The following C5AR2 variants were observed in gnomAD, a reference collection of about 807,000 sequenced individuals.
The protein encoded by C5AR2 is C5a anaphylatoxin chemotactic receptor 2.
For synonymous variants in C5AR2, 224 were observed against 216.5 expected (o/e 1.03, Z -0.30); for missense variants, 458 against 467.5 (o/e 0.98, Z 0.19).
Position 47,342,007 on chromosome 19 carries a change from A to G in C5AR2, c.*194A>G. The G allele has an allele frequency of 1.7e-6, 1 of 591,780 alleles. No individual in the cohort carries two copies. Among genetic ancestry groups the G allele is most frequent in the Non-Finnish European group, 3.1e-6 (1 of 327,080 alleles). The allele number at this position is 591,780 out of a possible 1,614,324, so 36.7% of individuals were successfully genotyped here. Reference sequence around the variant, plus strand: ...ATAGCAGTGACCAAAACAGACACAAATCCTGCCCTCAGGGAGCTGATATTC... The same window carrying G: ...ATAGCAGTGACCAAAACAGACACAAGTCCTGCCCTCAGGGAGCTGATATTC... On this transcript the variant is annotated 3_prime_UTR_variant, in exon 2 of 2. Transcript: ENST00000595464.
chr19:47,339,706 C>T (rs892629891), intron 1 of C5AR2, among the ~76,000 whole-genome samples: 9 of 152,092 alleles, frequency 5.9e-5, no homozygotes, highest in Admixed American at 3.3e-4. Context: ...TGGACATGAC[C>T]GTCATGTTCC....
chr19:47,337,427 G>A (rs1168786678), intron 1 of C5AR2, among the ~76,000 whole-genome samples: 1 of 152,148 alleles, frequency 6.6e-6, no homozygotes, highest in Non-Finnish European at 1.5e-5. Flanking sequence ...ACTTTGGGAG[G>A]CTGAGGTGGG....
At chr19:47,336,386 G>A (rs138414179) in intron 1 of C5AR2, among the ~76,000 whole-genome samples, 2,092 of 151,654 alleles carry the variant, frequency 0.014, 30 homozygotes, top group Non-Finnish European at 0.024. Flanking sequence ...CACTGTGCCC[G>A]GCTAGGGGGG....
chr19:47,336,273 A>G (rs536074290), intron 1 of C5AR2, among the ~76,000 whole-genome samples: 2 of 152,094 alleles, frequency 1.3e-5, no homozygotes, highest in African/African-American at 4.8e-5. Context: ...TATTTTTAGT[A>G]GAGACCAGGT....
At position 47,341,500 on chromosome 19, in the gene C5AR2, T is replaced by A; in HGVS notation, c.701T>A (p.Leu234Gln). ...LCWAARRCRP[L>Q]GTAIVVGFFV... ...TGGGCAGCCCGACGCTGCCGGCCGC[T>A]GGGCACAGCCATTGTGGTGGGGTTT... The change falls in exon 2 of 2, where the codon CTG becomes CAG. Residue 234 changes from leucine to glutamine, a missense_variant. Coordinates refer to ENST00000595464, the MANE Select transcript of C5AR2 (RefSeq NM_001271749.2). This position sits in a 1 kb window ranked among gnomAD's most constrained non-coding sequence, Gnocchi z 4.6. The A allele has an allele frequency of 6.2e-7, 1 of 1,612,050 alleles. No individual in the cohort carries two copies. The highest frequency in any genetic ancestry group is 8.5e-7 in the Non-Finnish European group (1 of 1,179,676).
At chr19:47,338,446 TAAA>T (rs11316034) in intron 1 of C5AR2, among the ~76,000 whole-genome samples, 10 of 144,690 alleles carry the variant, frequency 6.9e-5, no homozygotes, top group Non-Finnish European at 6.0e-5. Context: ...TATCTGTCCC[TAAA>T]AAAAAAAAAA....
In C5AR2 at chr19:47,345,899, T is replaced by A. The variant is rs1969112769; in HGVS notation, c.*4086T>A. ...ACTTATTATTTTTATTTATTTTTATTTTTTGGAGAAGGAGTCTTGCTCTGT... is the reference window on the plus strand; with the variant it reads ...ACTTATTATTTTTATTTATTTTTATATTTTGGAGAAGGAGTCTTGCTCTGT... On this transcript the variant is annotated 3_prime_UTR_variant, in exon 2 of 2. Transcript: ENST00000595464. The A allele has an allele frequency of 6.6e-6, 1 of 151,878 alleles. No homozygotes were observed. Among genetic ancestry groups the A allele is most frequent in the South Asian group, 2.1e-4 (1 of 4,818 alleles). The allele number at this position is 151,878 out of a possible 1,614,324, so 9.4% of individuals were successfully genotyped here. A position where few individuals can be genotyped will look rare whatever the true frequency, so the allele number is the denominator to read the frequency against.
chr19:47,341,195 C>G lies in C5AR2; in HGVS notation c.396C>G (p.Leu132=), dbSNP rs775874629. The change falls in exon 2 of 2, where the codon CTC becomes CTG. Residue 132 remains leucine, a synonymous_variant. Transcript: ENST00000595464. The surrounding 1 kb of genome is among the most constrained non-coding windows in gnomAD (Gnocchi z 4.6). ...VLLLAALSAD[L]CFLALGPAWW... The stretch of plus-strand genomic sequence containing the variant: ...TCCTGGCAGCTCTCAGTGCCGACCT[C>G]TGCTTCCTGGCTCTCGGGCCTGCCT... 6.2e-7 allele frequency: 1 copy of G among 1,601,146 alleles called. No individual in the cohort carries two copies. Among genetic ancestry groups the G allele is most frequent in the Admixed American group, 1.7e-5 (1 of 60,012 alleles).
chr19:47,334,467 A>G (rs1254104489), intron 1 of C5AR2, among the ~76,000 whole-genome samples: 3 of 28,066 alleles, frequency 1.1e-4, no homozygotes, highest in African/African-American at 5.0e-4. Flanking sequence ...CTGTCCATAC[A>G]GAAAAAAAAA....
rs1401236236 is a variant in C5AR2, at chr19:47,344,774, A to G, written c.*2961A>G. 6.6e-6 allele frequency: 1 copy of G among 151,856 alleles called. No individual in the cohort carries two copies. Among genetic ancestry groups the G allele is most frequent in the East Asian group, 1.9e-4 (1 of 5,190 alleles). The allele number at this position is 151,856 out of a possible 1,614,324, so 9.4% of individuals were successfully genotyped here. ...AACTGGACTAATTTTTTTTAATTTA[A>G]TTTAATTTTATTTTTTTGAGATGAA... On this transcript the variant is annotated 3_prime_UTR_variant, in exon 2 of 2. Coordinates refer to ENST00000595464, the MANE Select transcript of C5AR2 (RefSeq NM_001271749.2).
chr19:47,339,973 T>A (rs1412858124), intron 1 of C5AR2, among the ~76,000 whole-genome samples: 3 of 152,054 alleles, frequency 2.0e-5, no homozygotes, highest in Non-Finnish European at 4.4e-5. Flanking sequence ...TATTTTTTTT[T>A]ATTTTTTGAG....
intron 1 of C5AR2, among the ~76,000 whole-genome samples, chr19:47,338,094 A>G (rs551852029): frequency 1.4e-4 from 21 of 151,832 alleles, no homozygotes; most frequent in African/African-American, 5.1e-4. Context: ...AATAAATAAA[A>G]TAAAATAAAA....
At chr19:47,335,645 G>A (rs1038486158) in intron 1 of C5AR2, among the ~76,000 whole-genome samples, 4 of 150,884 alleles carry the variant, frequency 2.7e-5, no homozygotes, top group Non-Finnish European at 3.0e-5. Flanking sequence ...GGTAGCGGGC[G>A]CCTGTAGTCC....
chr19:47,335,876 G>A (rs190777242), intron 1 of C5AR2, among the ~76,000 whole-genome samples: 126 of 150,446 alleles, frequency 8.4e-4, no homozygotes, highest in African/African-American at 2.9e-3. Context: ...GAGAGGATGC[G>A]TGTGGACAGT....
intron 1 of C5AR2, among the ~76,000 whole-genome samples, chr19:47,335,407 G>A (rs181234667): frequency 7.8e-4 from 119 of 152,008 alleles, no homozygotes; most frequent in Non-Finnish European, 1.4e-3. Flanking sequence ...TGGTTAAGAC[G>A]TTACAAAGGA....
At chr19:47,338,867 A>C (rs1411522423) in intron 1 of C5AR2, among the ~76,000 whole-genome samples, 1 of 151,266 alleles carries the variant, frequency 6.6e-6, no homozygotes, top group Non-Finnish European at 1.5e-5. Context: ...TAATAATATT[A>C]TTGTGGCCCG....
At chr19:47,337,979 G>T (rs1048900052) in intron 1 of C5AR2, among the ~76,000 whole-genome samples, 21 of 151,710 alleles carry the variant, frequency 1.4e-4, no homozygotes, top group African/African-American at 4.8e-4. Flanking sequence ...GAGGCTTGTG[G>T]CAGGAGTAAT....
chr19:47,336,538 C>T (rs1397404650), intron 1 of C5AR2, among the ~76,000 whole-genome samples: 3 of 148,424 alleles, frequency 2.0e-5, no homozygotes, highest in Non-Finnish European at 4.5e-5. Flanking sequence ...GACAGGGTCT[C>T]ACTCTGTTGC....
chr19:47,335,771 C>CAAAAA (rs768761019), intron 1 of C5AR2, among the ~76,000 whole-genome samples: 7,315 of 23,008 alleles, frequency 0.32, 3,429 homozygotes, highest in South Asian at 0.49. Flanking sequence ...TACTCCGTCT[C>CAAAAA]AAAAAAAAAA....
Sources: gnomAD v4.1 joint callset for allele counts (sites outside exome capture counted in the v4.1 genomes callset) on GRCh38, gnomAD v4.1.1 for gene constraint, Gnocchi (gnomAD v3.1) non-coding constraint, MANE v1.5 for transcripts, NCBI Gene and HGNC (gene_info 2026-07-23, HGNC 2026-07-21) for gene names.